ZFPM2: variants seen among roughly 807,000 people sequenced by gnomAD.
ZFPM2 encodes zinc finger protein ZFPM2.
Under a neutral mutation model 98.6 loss-of-function variants are expected in ZFPM2, and 20 were observed. The observed-to-expected ratio is 0.20, with a 90% CI of 0.14 to 0.29. The LOEUF (loss-of-function observed/expected upper bound fraction) is 0.29, where lower values mean the gene tolerates loss of function less well. ZFPM2 is among the 10% of genes least tolerant of loss of function. The probability of loss-of-function intolerance (pLI) is 1.00; values close to 1 mark genes in which losing one functional copy is unlikely to be tolerated. For missense variants in ZFPM2, 1,310 were observed against 1,388.6 expected, an observed-to-expected ratio of 0.94 and a Z score of 0.90; for synonymous variants, 518 against 502.7, an observed-to-expected ratio of 1.03 and a Z score of -0.41.
chr8:105,563,878 A>C (rs111832096), intron 4 of ZFPM2, among the ~76,000 whole-genome samples: 32 of 152,286 alleles, frequency 2.1e-4, no homozygotes, highest in African/African-American at 7.7e-4. Context: ...TATCAGCTAT[A>C]GTTGACATGC....
intron 5 of ZFPM2, among the ~76,000 whole-genome samples, chr8:105,749,789 A>G (rs149709565): frequency 7.9e-5 from 12 of 152,094 alleles, no homozygotes; most frequent in African/African-American, 2.4e-4. Flanking sequence ...AGAAAGAGGA[A>G]AGAAGGAAGA....
intron 1 of ZFPM2, among the ~76,000 whole-genome samples, chr8:105,372,043 TA>T (rs1162573766): frequency 3.8e-5 from 4 of 105,990 alleles, no homozygotes; most frequent in East Asian, 4.9e-4. Context: ...TTATTATTAT[TA>T]TTATTTTATT....
Position 105,561,370 on chromosome 8 carries a change from G to A in ZFPM2, c.309G>A (p.Leu103=), listed in dbSNP as rs765954114. ...ETDDWDGPGE[L]EVFQKDGERK... ...CTGTTCCTTTGTCTGCAGGAGAGCT[G>A]GAGGTGTTTCAGAAAGATGGGGAAC... Residue 103 remains leucine (L), a synonymous_variant, in exon 4 of 8, where the codon CTG becomes CTA. Transcript: ENST00000407775. The A allele has an allele frequency of 1.1e-5, 17 of 1,613,000 alleles. No homozygotes were observed. In the South Asian group the frequency reaches 1.8e-4, roughly 17 times the overall value.
At chr8:105,614,524 T>A (rs1417142050) in intron 4 of ZFPM2, among the ~76,000 whole-genome samples, 1 of 152,186 alleles carries the variant, frequency 6.6e-6, no homozygotes, top group Non-Finnish European at 1.5e-5. Flanking sequence ...ATGCATACTC[T>A]AATGCATAAT....
At chr8:105,413,559 G>C (rs1267118159) in intron 1 of ZFPM2, among the ~76,000 whole-genome samples, 1 of 149,138 alleles carries the variant, frequency 6.7e-6, no homozygotes, top group African/African-American at 2.5e-5. Flanking sequence ...ATATATGTAT[G>C]TTTCTTCAAT....
chr8:105,377,856 C>T (rs934912831), intron 1 of ZFPM2, among the ~76,000 whole-genome samples: 2 of 152,010 alleles, frequency 1.3e-5, no homozygotes, highest in African/African-American at 4.8e-5. Flanking sequence ...TTTAGGTGCA[C>T]TTCAGACTAT....
chr8:105,745,641 TTAA>T (rs1241561904), intron 5 of ZFPM2, among the ~76,000 whole-genome samples: 1 of 152,124 alleles, frequency 6.6e-6, no homozygotes, highest in Non-Finnish European at 1.5e-5. Flanking sequence ...GAAAAAAGGC[TTAA>T]TGTTTTAGAA....
intron 3 of ZFPM2, among the ~76,000 whole-genome samples, chr8:105,454,079 G>C (rs939005228): frequency 1.3e-5 from 2 of 151,808 alleles, no homozygotes; most frequent in Admixed American, 6.6e-5. Flanking sequence ...ATTTCTCTAG[G>C]GTTGGTTTAT....
At chr8:105,335,087 T>C (rs138685192) in intron 1 of ZFPM2, among the ~76,000 whole-genome samples, 405 of 151,880 alleles carry the variant, frequency 2.7e-3, no homozygotes, top group African/African-American at 9.3e-3. Context: ...ATATGTTGAA[T>C]TTTTGTCAGA....
At chr8:105,784,864 T>C (rs1813365860) in intron 5 of ZFPM2, 1 of 145,826 alleles carries the variant, frequency 6.9e-6, no homozygotes, top group Admixed American at 6.6e-5. Context: ...ATTTGGGTTA[T>C]CACTTCCTAT....
intron 5 of ZFPM2, among the ~76,000 whole-genome samples, chr8:105,765,836 C>T (rs6469014): frequency 0.27 from 41,536 of 151,752 alleles, 7,347 homozygotes; most frequent in African/African-American, 0.49. Flanking sequence ...AATGGTATGC[C>T]AAGTGGCCTC....
chr8:105,471,881 G>T (rs1812911065), intron 3 of ZFPM2, among the ~76,000 whole-genome samples: 1 of 152,018 alleles, frequency 6.6e-6, no homozygotes, highest in Admixed American at 6.6e-5. Flanking sequence ...ATCATAAAAA[G>T]AATTTAGATT....
At chr8:105,383,997 C>A (rs932274859) in intron 1 of ZFPM2, among the ~76,000 whole-genome samples, 2 of 152,116 alleles carry the variant, frequency 1.3e-5, no homozygotes, top group East Asian at 3.9e-4. Flanking sequence ...TCACACTAGA[C>A]AACTACAGAA....
chr8:105,490,655 A>G (rs1026960333), intron 3 of ZFPM2, among the ~76,000 whole-genome samples: 2 of 152,224 alleles, frequency 1.3e-5, no homozygotes, highest in African/African-American at 2.4e-5. Flanking sequence ...TTTTATTTTC[A>G]TATTTCTAAA....
chr8:105,751,067 G>T (rs1433575683), intron 5 of ZFPM2, among the ~76,000 whole-genome samples: 3 of 152,016 alleles, frequency 2.0e-5, no homozygotes, highest in Non-Finnish European at 4.4e-5. Context: ...TATTCTGTAT[G>T]TTAGCCAGGT....
intron 2 of ZFPM2, among the ~76,000 whole-genome samples, chr8:105,433,557 G>A (rs1236232421): frequency 6.6e-6 from 1 of 152,174 alleles, no homozygotes; most frequent in African/African-American, 2.4e-5. Flanking sequence ...GGAGGCCGAG[G>A]CGGTTGGATC....
intron 5 of ZFPM2, among the ~76,000 whole-genome samples, chr8:105,720,097 C>T (rs549541406): frequency 6.8e-4 from 104 of 151,990 alleles, no homozygotes; most frequent in Non-Finnish European, 2.1e-4. Flanking sequence ...TTTAAAGATG[C>T]GATAAGGTCC....
At chr8:105,418,684 G>A (rs1586357998) in intron 1 of ZFPM2, 3 of 499,202 alleles carry the variant, frequency 6.0e-6, no homozygotes, top group East Asian at 1.1e-4. Context: ...ATTTTTAAAA[G>A]TATAGACTTT....
At chr8:105,552,374 CT>C (rs1814876468) in intron 3 of ZFPM2, among the ~76,000 whole-genome samples, 1 of 152,298 alleles carries the variant, frequency 6.6e-6, no homozygotes, top group Non-Finnish European at 1.5e-5. Flanking sequence ...TAACCTTCCT[CT>C]GTTTCTTCAC....
Sources: gnomAD v4.1 joint callset for allele counts (sites outside exome capture counted in the v4.1 genomes callset) on GRCh38, gnomAD v4.1.1 for gene constraint, MANE v1.5 for transcripts, NCBI Gene and HGNC (gene_info 2026-07-23, HGNC 2026-07-21) for gene names.